Variants in TRPC7 observed in about 807,000 individuals in gnomAD.
TRPC7 encodes transient receptor potential cation channel subfamily C member 7, also known as short transient receptor potential channel 7.
TRPC7 carries 42 observed loss-of-function variants against 90.1 expected under a neutral mutation model. That is an observed-to-expected ratio of 0.47 (90% CI 0.36 to 0.60). TRPC7 has a LOEUF of 0.60. Among genes scored for constraint, TRPC7 ranks in the 20% least tolerant of loss-of-function variants. The probability of loss-of-function intolerance (pLI) is 0.00; values close to 1 mark genes in which losing one functional copy is unlikely to be tolerated. For missense variants in TRPC7, 955 were observed against 1,112.3 expected (o/e 0.86, Z 2.01); for synonymous variants, 451 against 436.3 (o/e 1.03, Z -0.42).
chr5:136,352,926 T>C (rs569114338), intron 2 of TRPC7, among the ~76,000 whole-genome samples: 1 of 152,310 alleles, frequency 6.6e-6, no homozygotes, highest in Non-Finnish European at 1.5e-5. Context: ...TCCACCCACG[T>C]AGGAAGAGTT....
At chr5:136,307,082 TATG>T (rs1334883257) in intron 3 of TRPC7, among the ~76,000 whole-genome samples, 2 of 152,266 alleles carry the variant, frequency 1.3e-5, no homozygotes, top group Non-Finnish European at 2.9e-5. Context: ...TACAATATGT[TATG>T]ATTAAATCAA....
chr5:136,278,285 G>T lies in TRPC7; in HGVS notation c.964-3448C>A, dbSNP rs2149816876. Among the ~76,000 whole-genome samples the T allele has an allele frequency of 2.6e-5, 4 of 152,368 alleles. No individual in the cohort carries two copies. In the Middle Eastern group the frequency reaches 0.014, roughly 518 times the overall value. On this transcript the variant is annotated intron_variant, in intron 3 of 11. Coordinates refer to ENST00000513104, the MANE Select transcript of TRPC7 (RefSeq NM_020389.3). Reference sequence around the variant, plus strand: ...GAGGGCTCCTGTGGTCTTTAGCGTGGTGTTCACGAATGGGCACTGTTTGAG... The same window carrying T: ...GAGGGCTCCTGTGGTCTTTAGCGTGTTGTTCACGAATGGGCACTGTTTGAG...
intron 1 of TRPC7, among the ~76,000 whole-genome samples, chr5:136,358,590 C>T (rs1327185853): frequency 6.6e-6 from 1 of 152,130 alleles, no homozygotes; most frequent in African/African-American, 2.4e-5. Flanking sequence ...ACTTACATTA[C>T]CAAAGTGTTG....
intron 7 of TRPC7, among the ~76,000 whole-genome samples, chr5:136,235,782 C>T (rs1755961157): frequency 6.6e-6 from 1 of 152,218 alleles, no homozygotes; most frequent in African/African-American, 2.4e-5. Flanking sequence ...GGAATGGCAA[C>T]TACTGGCTCT....
intron 8 of TRPC7, among the ~76,000 whole-genome samples, chr5:136,231,057 G>A (rs1227049183): frequency 1.3e-5 from 2 of 152,186 alleles, no homozygotes; most frequent in African/African-American, 4.8e-5. Flanking sequence ...CATTCTGATT[G>A]ATTGCCATGG....
intron 6 of TRPC7, 43 bp downstream of exon 6, chr5:136,251,606 C>T (rs764711337): frequency 2.0e-6 from 3 of 1,490,010 alleles, no homozygotes; most frequent in Non-Finnish European, 1.8e-6. Flanking sequence ...GCCCACGTCC[C>T]GGAAGCGCCA....
At chr5:136,352,093 G>A (rs1166799088) in intron 2 of TRPC7, among the ~76,000 whole-genome samples, 1 of 152,162 alleles carries the variant, frequency 6.6e-6, no homozygotes, top group African/African-American at 2.4e-5. Flanking sequence ...ACCACCAGAT[G>A]TTAAATAACT....
chr5:136,340,467 A>G (rs1021717600), intron 2 of TRPC7, among the ~76,000 whole-genome samples: 5 of 152,212 alleles, frequency 3.3e-5, no homozygotes, highest in Non-Finnish European at 5.9e-5. Context: ...CTGTAAAGAA[A>G]TAAGTATTTG....
chr5:136,287,079 C>T (rs913062221), intron 3 of TRPC7, among the ~76,000 whole-genome samples: 4 of 152,192 alleles, frequency 2.6e-5, no homozygotes, highest in Non-Finnish European at 5.9e-5. Context: ...GCCTACCGCT[C>T]CCTAAGCCAT....
At chr5:136,244,837 A>C (rs192942357) in intron 7 of TRPC7, among the ~76,000 whole-genome samples, 1 of 152,326 alleles carries the variant, frequency 6.6e-6, no homozygotes, top group Non-Finnish European at 1.5e-5. Flanking sequence ...CTGATTCAAC[A>C]ATGTGCTTGG....
chr5:136,290,363 G>A (rs537299797), intron 3 of TRPC7, among the ~76,000 whole-genome samples: 1 of 152,210 alleles, frequency 6.6e-6, no homozygotes, highest in African/African-American at 2.4e-5. Context: ...GAGGAAGTTC[G>A]AACCAATGGC....
At chr5:136,299,196 G>T (rs1758286889) in intron 3 of TRPC7, among the ~76,000 whole-genome samples, 1 of 152,046 alleles carries the variant, frequency 6.6e-6, no homozygotes, top group Non-Finnish European at 1.5e-5. Flanking sequence ...AGCTACTCGG[G>T]AGGCTGAGGC....
chr5:136,259,723 A>G (rs1408311016), intron 5 of TRPC7, among the ~76,000 whole-genome samples: 1 of 152,194 alleles, frequency 6.6e-6, no homozygotes, highest in Non-Finnish European at 1.5e-5. Flanking sequence ...GTATGTGTGG[A>G]TGTTAGAGAT....
intron 2 of TRPC7, among the ~76,000 whole-genome samples, chr5:136,331,352 G>A (rs1759494297): frequency 1.3e-5 from 2 of 152,102 alleles, no homozygotes. Flanking sequence ...AAAATGAATA[G>A]AGCATCTAGG....
At chr5:136,319,220 A>G (rs924664857) in intron 2 of TRPC7, among the ~76,000 whole-genome samples, 8 of 152,182 alleles carry the variant, frequency 5.3e-5, no homozygotes, top group Non-Finnish European at 8.8e-5. Flanking sequence ...AATAGAAGTC[A>G]TCAGAAGAAA....
chr5:136,360,230 C>A (rs1001588672), intron 1 of TRPC7, among the ~76,000 whole-genome samples: 4 of 152,148 alleles, frequency 2.6e-5, no homozygotes, highest in Admixed American at 6.5e-5. Context: ...ATCATAGACA[C>A]TGCAGCCTAC....
chr5:136,325,148 A>G (rs985627217), intron 2 of TRPC7, among the ~76,000 whole-genome samples: 1 of 152,242 alleles, frequency 6.6e-6, no homozygotes, highest in African/African-American at 2.4e-5. Flanking sequence ...TGTCACAACT[A>G]TTCTGTAGAG....
In TRPC7 at chr5:136,226,177, C is replaced by A. The variant is rs1265762481; in HGVS notation, c.2119G>T (p.Ala707Ser). ...GGACTTGGCACTAGATTAAAAGGAG[C>A]AGGTAGAGTTCTTCCTTCATCAAAG... The part of the protein sequence containing the change: ...SYFDEGRTLP[A>S]PFNLVPSPKS... The change falls in exon 9 of 12, where the codon GCT becomes TCT. Residue 707 changes from alanine to serine, a missense_variant. Ala to Ser is a moderately conservative substitution (Grantham distance 99). Transcript: ENST00000513104. 1.3e-6 allele frequency: 2 copies of A among 1,557,726 alleles called. No individual in the cohort carries two copies. Among genetic ancestry groups the A allele is most frequent in the Non-Finnish European group, 1.7e-6 (2 of 1,149,346 alleles).
rs545075241 is a variant in TRPC7 at position 136,242,828 on chromosome 5, C to T, written c.1844+4643G>A. Among the ~76,000 whole-genome samples the T allele has an allele frequency of 5.9e-5, 9 of 152,284 alleles. No individual in the cohort carries two copies. The East Asian group carries it at 9.7e-4, about 16-fold the overall frequency. On this transcript the variant is annotated intron_variant, in intron 7 of 11. Transcript: ENST00000513104. ...AAGAGGAAGAGCCTGGGAAGTCCCA[C>T]GTTTAGCCACCTCCCCAGGTGACTC...
Sources: allele counts gnomAD v4.1 joint callset (sites outside exome capture counted in the v4.1 genomes callset), GRCh38; gene constraint gnomAD v4.1.1; transcripts MANE v1.5; gene names NCBI Gene and HGNC (gene_info 2026-07-23, HGNC 2026-07-21).